PCDHGA4: variants seen among roughly 807,000 people sequenced by gnomAD.
PCDHGA4 encodes the protein protocadherin gamma subfamily A, 4.
Under a neutral mutation model 54.6 loss-of-function variants are expected in PCDHGA4, and 38 were observed. The ratio of observed to expected loss-of-function variants is 0.70; its 90% CI spans 0.54 to 0.91. The LOEUF (loss-of-function observed/expected upper bound fraction) is 0.91. Ranked by LOEUF, PCDHGA4 falls within the 40% of genes least tolerant of loss-of-function variation. PCDHGA4 has a pLI of 0.00. For synonymous variants in PCDHGA4, 511 were observed against 512.9 expected, an observed-to-expected ratio of 1.00 and a Z score of 0.05; for missense variants, 1,298 against 1,220.9, an observed-to-expected ratio of 1.06 and a Z score of -0.94.
At chr5:141,366,301 C>G (rs769756883) in intron 1 of PCDHGA4, 1 of 1,613,784 alleles carries the variant, frequency 6.2e-7, no homozygotes, top group Non-Finnish European at 8.5e-7. Flanking sequence ...TGTCAGCCAC[C>G]TTCACGGTCA....
intron 1 of PCDHGA4, among the ~76,000 whole-genome samples, chr5:141,445,490 C>T (rs1181158971): frequency 6.6e-6 from 1 of 152,134 alleles, no homozygotes; most frequent in Non-Finnish European, 1.5e-5. Flanking sequence ...AGTTAATGGG[C>T]CCTATTCTAA....
At chr5:141,421,966 G>A in intron 1 of PCDHGA4, 1 of 1,610,918 alleles carries the variant, frequency 6.2e-7, no homozygotes, top group Non-Finnish European at 8.5e-7. Flanking sequence ...TACACAGTCC[G>A]TATATCGCGT....
At position 141,372,146 on chromosome 5, in the gene PCDHGA4, T is replaced by C. The variant is rs371379465; in HGVS notation, c.2514+14525T>C. The C allele has an allele frequency of 1.2e-4, 200 of 1,613,738 alleles. 1 individual carries two copies. In the South Asian group the frequency reaches 2.0e-3, roughly 16 times the overall value. ...ATATGGTGCCGCGCTCTGCAGAGCC[T>C]GGCTACCTGGTGACCAAGGTGGTGG... On this transcript the variant is annotated intron_variant, in intron 1 of 3. Coordinates refer to ENST00000571252, the MANE Select transcript of PCDHGA4 (RefSeq NM_018917.4).
chr5:141,426,766 T>C (rs2096958771), intron 1 of PCDHGA4: 1 of 456,532 alleles, frequency 2.2e-6, no homozygotes, highest in South Asian at 1.5e-5. Flanking sequence ...GATGCAGATG[T>C]AGGGCCTCAC....
chr5:141,448,948 AAAAC>A (rs1237948751), intron 1 of PCDHGA4, among the ~76,000 whole-genome samples: 14 of 152,170 alleles, frequency 9.2e-5, no homozygotes, highest in African/African-American at 9.7e-5. Flanking sequence ...GCAACTCAAA[AAAAC>A]AAACAAACAA....
chr5:141,407,919 C>A, intron 1 of PCDHGA4: 1 of 472,082 alleles, frequency 2.1e-6, no homozygotes, highest in Non-Finnish European at 3.7e-6. Flanking sequence ...GGCTGCTGTC[C>A]CGCACGGAGC....
chr5:141,361,472 A>T (rs1480148367), intron 1 of PCDHGA4: 1 of 1,613,906 alleles, frequency 6.2e-7, no homozygotes, highest in Admixed American at 1.7e-5. Context: ...TCCGACGTCA[A>T]CGATAATGCC....
chr5:141,505,041 C>T (rs1028101225), intron 2 of PCDHGA4, among the ~76,000 whole-genome samples: 4 of 152,142 alleles, frequency 2.6e-5, no homozygotes, highest in African/African-American at 9.7e-5. Flanking sequence ...AGGTGCCTGT[C>T]ATCCCAGCTA....
intron 1 of PCDHGA4, chr5:141,375,036 G>GT (rs747497967): frequency 1.9e-6 from 3 of 1,614,002 alleles, no homozygotes; most frequent in Non-Finnish European, 2.5e-6. Flanking sequence ...TATGAGCTGG[G>GT]TGTTGAAGCC....
At chr5:141,384,441 G>A in intron 1 of PCDHGA4, 1 of 1,614,028 alleles carries the variant, frequency 6.2e-7, no homozygotes, top group African/African-American at 1.3e-5. Flanking sequence ...CTGGAGTCCT[G>A]TACGCGCTGC....
In PCDHGA4 at chr5:141,431,202, C is replaced by T. The variant is rs2097350864; in HGVS notation, c.2515-63605C>T. The stretch of plus-strand genomic sequence containing the variant: ...ATAAAAATTAGTGAAAATGCAGCCA[C>T]TGAGATGCGGTTCCCTCTACCCCAC... On this transcript the variant is annotated intron_variant, in intron 1 of 3. Coordinates refer to ENST00000571252, the MANE Select transcript of PCDHGA4 (RefSeq NM_018917.4). The surrounding 1 kb of genome is among the most constrained non-coding windows in gnomAD (Gnocchi z 4.8). 6.2e-7 allele frequency: 1 copy of T among 1,614,204 alleles called. No individual in the cohort carries two copies. Among genetic ancestry groups the T allele is most frequent in the Non-Finnish European group, 8.5e-7 (1 of 1,180,052 alleles).
rs2099694486 is a variant in PCDHGA4 at position 141,489,987 on chromosome 5, G to A, written c.2515-4820G>A. The A allele has an allele frequency of 1.2e-6, 2 of 1,614,106 alleles. No homozygotes were observed. The highest frequency in any genetic ancestry group is 1.3e-5 in the African/African-American group (1 of 74,932). The stretch of plus-strand genomic sequence containing the variant: ...CCTTCCAATCCTCAGTTCTACGTGT[G>A]GGAATCCCAGAGAATGCACCCATTG... On this transcript the variant is annotated intron_variant, in intron 1 of 3. Coordinates refer to ENST00000571252, the MANE Select transcript of PCDHGA4 (RefSeq NM_018917.4). The surrounding 1 kb of genome is among the most constrained non-coding windows in gnomAD (Gnocchi z 4.5).
intron 1 of PCDHGA4, chr5:141,383,335 A>C (rs768493481): frequency 2.6e-5 from 42 of 1,613,892 alleles, no homozygotes; most frequent in Non-Finnish European, 3.4e-5. Flanking sequence ...AATGGAGAAT[A>C]CAGCTCCTGG....
chr5:141,359,759 A>G (rs1005713347), intron 1 of PCDHGA4, among the ~76,000 whole-genome samples: 1 of 152,234 alleles, frequency 6.6e-6, no homozygotes, highest in African/African-American at 2.4e-5. Flanking sequence ...CATCTAAAGC[A>G]GAGATGAAAG....
At chr5:141,394,777 C>T (rs2093090848) in intron 1 of PCDHGA4, 5 of 1,613,516 alleles carry the variant, frequency 3.1e-6, no homozygotes, top group African/African-American at 2.7e-5. Flanking sequence ...CCCCCTCTCT[C>T]CGCCACTGTC....
At chr5:141,365,434 G>C (rs770375441) in intron 1 of PCDHGA4, 7 of 1,614,020 alleles carry the variant, frequency 4.3e-6, no homozygotes, top group Non-Finnish European at 5.9e-6. Flanking sequence ...TAATCGCGCT[G>C]TTTAGCGTAC....
chr5:141,400,558 C>A, intron 1 of PCDHGA4: 1 of 1,613,290 alleles, frequency 6.2e-7, no homozygotes, highest in Non-Finnish European at 8.5e-7. Context: ...TTTTTCATTA[C>A]CCACCCAATT....
intron 3 of PCDHGA4, 79 bp downstream of exon 3, chr5:141,505,560 G>A: frequency 6.2e-7 from 1 of 1,604,768 alleles, no homozygotes; most frequent in South Asian, 1.1e-5. Context: ...CATGCCCACG[G>A]ACTGGATGTC....
At chr5:141,368,825 CTT>C (rs999838491) in intron 1 of PCDHGA4, among the ~76,000 whole-genome samples, 2 of 152,086 alleles carry the variant, frequency 1.3e-5, no homozygotes, top group African/African-American at 4.8e-5. Context: ...ACAATGAACA[CTT>C]GGCATTGTGT....
Sources: gnomAD v4.1 joint callset for allele counts (sites outside exome capture counted in the v4.1 genomes callset) on GRCh38, gnomAD v4.1.1 for gene constraint, Gnocchi (gnomAD v3.1) non-coding constraint, MANE v1.5 for transcripts, NCBI Gene and HGNC (gene_info 2026-07-23, HGNC 2026-07-21) for gene names.